The following ZNF740 variants were observed in gnomAD, a reference collection of about 807,000 sequenced individuals.
ZNF740 encodes the protein zinc finger protein 740.
In ZNF740, 14 loss-of-function variants were observed where a neutral mutation model predicts 24.8. That is an observed-to-expected ratio of 0.56 (90% CI 0.37 to 0.88). The LOEUF (loss-of-function observed/expected upper bound fraction) is 0.88. Among genes scored for constraint, ZNF740 ranks in the 40% least tolerant of loss-of-function variants. The pLI is 0.00. For synonymous variants in ZNF740, 69 were observed against 84.0 expected (o/e 0.82, Z 0.98); for missense variants, 201 against 247.9 (o/e 0.81, Z 1.27).
At chr12:53,182,028 G>A (rs1351536984) in intron 2 of ZNF740, 36 bp downstream of exon 2, 2 of 1,601,930 alleles carry the variant, frequency 1.2e-6, no homozygotes, top group East Asian at 2.2e-5. Context: ...AAGATAACTG[G>A]GAAGCCTGTT....
At position 53,193,158 on chromosome 12, in the gene ZNF740, C is replaced by T; in HGVS notation, c.*5568C>T. 6.2e-7 allele frequency: 1 copy of T among 1,611,926 alleles called. No homozygotes were observed. The highest frequency in any genetic ancestry group is 1.1e-5 in the South Asian group (1 of 90,942). ...CAGGTACCTCCGCAGAGGATGCCCT[C>T]ATGTCGCTCACAGCTGGCATCGTCA... On this transcript the variant is annotated 3_prime_UTR_variant, in exon 7 of 7. Transcript: ENST00000416904.
At chr12:53,184,150 T>TGTGTGTGTGTGTGTGTGTGTGCGCGC (rs59250662) in intron 2 of ZNF740, among the ~76,000 whole-genome samples, 3 of 104,346 alleles carry the variant, frequency 2.9e-5, no homozygotes, top group Non-Finnish European at 4.1e-5. Context: ...TGTGTGTGTG[T>TGTGTGTGTGTGTGTGTGTGTGCGCGC]GCGCGCGCGC....
chr12:53,183,536 C>T (rs550815004), intron 2 of ZNF740, among the ~76,000 whole-genome samples: 3 of 151,920 alleles, frequency 2.0e-5, no homozygotes, highest in South Asian at 4.2e-4. Flanking sequence ...GCCGGCTAAC[C>T]GAAGTCAGTT....
In ZNF740 at chr12:53,191,497, C is replaced by T; in HGVS notation, c.*3907C>T. 1 of 1,362,782 alleles carries T rather than the reference C, an allele frequency of 7.3e-7. No individual in the cohort carries two copies. Among genetic ancestry groups the T allele is most frequent in the Non-Finnish European group, 1.1e-6 (1 of 950,920 alleles). The allele number at this position is 1,362,782 out of a possible 1,614,324, so 84.4% of individuals were successfully genotyped here. ...TCTTACAGACCCACCCTTCCTCTCA[C>T]CCTCCAGTTCCCACTGTCCTCCAAG... On this transcript the variant is annotated 3_prime_UTR_variant, in exon 7 of 7. Coordinates refer to ENST00000416904, the MANE Select transcript of ZNF740 (RefSeq NM_001004304.4).
At position 53,185,012 on chromosome 12, in the gene ZNF740, G is replaced by T. The variant is rs1200820204; in HGVS notation, c.131G>T (p.Ser44Ile). 2 of 1,614,038 alleles carry T rather than the reference G, an allele frequency of 1.2e-6. No homozygotes were observed. The highest frequency in any genetic ancestry group is 1.7e-5 in the Admixed American group (1 of 60,026). ...GCCGAGAATGGCGAGCGGGCAGGTA[G>T]CCCTGATGTGCTGAGGTGCTCGAGT... ...KQAENGERAG[S>I]PDVLRCSSQG... The change falls in exon 3 of 7, where the codon AGC becomes ATC. Residue 44 changes from serine (S) to isoleucine (I), a missense_variant. Around this residue, in one of 3 missense-constraint regions of ZNF740, gnomAD observed 117 missense variants for 122.3 expected, o/e 0.96. Coordinates refer to ENST00000416904, the MANE Select transcript of ZNF740 (RefSeq NM_001004304.4).
In ZNF740 at chr12:53,181,234, G is replaced by A. The variant is rs796316713; in HGVS notation, c.-308+397G>A. 5 of 985,462 alleles carry A rather than the reference G, an allele frequency of 5.1e-6. No individual in the cohort carries two copies. The African/African-American group carries it at 7.0e-5, about 14-fold the overall frequency. 61.0% of individuals were successfully genotyped at this position (985,462 alleles called of 1,614,324 possible). On this transcript the variant is annotated intron_variant, in intron 1 of 6. Coordinates refer to ENST00000416904, the MANE Select transcript of ZNF740 (RefSeq NM_001004304.4). The stretch of plus-strand genomic sequence containing the variant: ...GCAGCAAGTTTCCCTACCTTCGGGC[G>A]GACGGGGAGAACGCACACGTGTGGG...
chr12:53,185,450 T>C lies in ZNF740; in HGVS notation c.223T>C (p.Ser75Pro), dbSNP rs1052565482. 3.1e-6 allele frequency: 5 copies of C among 1,613,832 alleles called. No homozygotes were observed. The African/African-American group carries it at 4.0e-5, about 13-fold the overall frequency. The change falls in exon 4 of 7, where the codon TCT becomes CCT. Residue 75 changes from serine (S) to proline (P), a missense_variant. Around this residue, in one of 3 missense-constraint regions of ZNF740, gnomAD observed 117 missense variants for 122.3 expected, o/e 0.96. Coordinates refer to ENST00000416904, the MANE Select transcript of ZNF740 (RefSeq NM_001004304.4). Reference sequence around the variant, plus strand: ...AGATGATGACAGCTTGTCTGAGGCCTCTCATTCAAAAAAGACTGTTAAAAA... The same window carrying C: ...AGATGATGACAGCTTGTCTGAGGCCCCTCATTCAAAAAAGACTGTTAAAAA... ...RKDDDSLSEA[S>P]HSKKTVKKVV...
In ZNF740 at chr12:53,192,812, C is replaced by G; in HGVS notation, c.*5222C>G. The G allele has an allele frequency of 6.2e-7, 1 of 1,614,218 alleles. No individual in the cohort carries two copies. The highest frequency in any genetic ancestry group is 8.5e-7 in the Non-Finnish European group (1 of 1,180,030). ...CCATGCCCACTGCAGAGCCCTCCCT[C>G]GGGACTGATGCAACTGTCCATGTCC... On this transcript the variant is annotated 3_prime_UTR_variant, in exon 7 of 7. Transcript: ENST00000416904.
chr12:53,184,919 C>T lies in ZNF740; in HGVS notation c.38C>T (p.Ala13Val). Residue 13 changes from alanine (A) to valine (V), a missense_variant, in exon 3 of 7, where the codon GCA becomes GTA. Around this residue, in one of 3 missense-constraint regions of ZNF740, gnomAD observed 117 missense variants for 122.3 expected, o/e 0.96. Transcript: ENST00000416904. The stretch of plus-strand genomic sequence containing the variant: ...AGTCTCCTGGCTTGTGAAGGCCTAG[C>T]AGGTGTGAGTTTGGTTCCCACTGCA... ...QASLLACEGL[A>V]GVSLVPTAAS... 1 of 1,613,798 alleles carries T rather than the reference C, an allele frequency of 6.2e-7. No individual in the cohort carries two copies. The highest frequency in any genetic ancestry group is 8.5e-7 in the Non-Finnish European group (1 of 1,179,802).
intron 6 of ZNF740, 58 bp downstream of exon 6, chr12:53,186,567 G>A (rs1276876936): frequency 1.4e-6 from 2 of 1,398,346 alleles, no homozygotes; most frequent in East Asian, 5.0e-5. Context: ...CAAGAATCAG[G>A]GCCACCCTCC....
At position 53,193,544 on chromosome 12, in the gene ZNF740, G is replaced by T. The variant is rs1942044817; in HGVS notation, c.*5954G>T. 2.7e-6 allele frequency: 2 copies of T among 751,008 alleles called. No homozygotes were observed. Among genetic ancestry groups the T allele is most frequent in the Admixed American group, 3.0e-5 (1 of 33,598 alleles). 46.5% of individuals were successfully genotyped at this position (751,008 alleles called of 1,614,324 possible). On this transcript the variant is annotated 3_prime_UTR_variant, in exon 7 of 7. Transcript: ENST00000416904. ...AGAGTGGAGGGAGCCCCAGTCAGGGGGAGGGCCTGGACATACATGGGAAGC... is the reference window on the plus strand; with the variant it reads ...AGAGTGGAGGGAGCCCCAGTCAGGGTGAGGGCCTGGACATACATGGGAAGC...
rs1941894726 is a variant in ZNF740 at position 53,189,819 on chromosome 12, A to G, written c.*2229A>G. Reference sequence around the variant, plus strand: ...CCAGTACCCTGTAAACCATTTTAAAATATTTAGAAAACTATCCTCCCAAAA... The same window carrying G: ...CCAGTACCCTGTAAACCATTTTAAAGTATTTAGAAAACTATCCTCCCAAAA... On this transcript the variant is annotated 3_prime_UTR_variant, in exon 7 of 7. Transcript: ENST00000416904. 6.6e-6 allele frequency: 1 copy of G among 152,176 alleles called. No homozygotes were observed. The highest frequency in any genetic ancestry group is 2.4e-5 in the African/African-American group (1 of 41,426). 9.4% of individuals were successfully genotyped at this position (152,176 alleles called of 1,614,324 possible).
At position 53,194,655 on chromosome 12, in the gene ZNF740, CAT is replaced by C; in HGVS notation, c.*7067_*7068del. The C allele has an allele frequency of 3.5e-6, 1 of 286,294 alleles. No individual in the cohort carries two copies. The highest frequency in any genetic ancestry group is 6.7e-6 in the Non-Finnish European group (1 of 148,360). 17.7% of individuals were successfully genotyped at this position (286,294 alleles called of 1,614,324 possible). On this transcript the variant is annotated 3_prime_UTR_variant, in exon 7 of 7. Coordinates refer to ENST00000416904, the MANE Select transcript of ZNF740 (RefSeq NM_001004304.4). ...GTTTGTGAAGCCCCACATCAGGACA[CAT>C]AACCTGGGTGCATGCCAGGTCTAAA...
In ZNF740 at chr12:53,191,107, C is replaced by A; in HGVS notation, c.*3517C>A. 4.7e-6 allele frequency: 1 copy of A among 210,584 alleles called. No individual in the cohort carries two copies. Among genetic ancestry groups the A allele is most frequent in the Non-Finnish European group, 9.7e-6 (1 of 102,648 alleles). The allele number at this position is 210,584 out of a possible 1,614,324, so 13.0% of individuals were successfully genotyped here. ...GATGCAGTGTCTCTGACCTGGGACC[C>A]CCCTGCATCCGCAGCACTTGAGAAT... On this transcript the variant is annotated 3_prime_UTR_variant, in exon 7 of 7. Coordinates refer to ENST00000416904, the MANE Select transcript of ZNF740 (RefSeq NM_001004304.4).
Position 53,187,605 on chromosome 12 carries a change from G to A in ZNF740, c.*15G>A, listed in dbSNP as rs569658887. On this transcript the variant is annotated 3_prime_UTR_variant, in exon 7 of 7. Transcript: ENST00000416904. ...TTTCTCTATAGGCGCAAGGGGCCCC[G>A]GGTGGTGGGAGTGATCAGAAGAACC... 123 of 1,610,390 alleles carry A rather than the reference G, an allele frequency of 7.6e-5. No homozygotes were observed. The South Asian group carries it at 7.9e-4, about 10-fold the overall frequency.
In ZNF740 at chr12:53,193,825, A is replaced by G. The variant is rs764176078; in HGVS notation, c.*6235A>G. 3.1e-6 allele frequency: 5 copies of G among 1,614,084 alleles called. No individual in the cohort carries two copies. The highest frequency in any genetic ancestry group is 2.5e-6 in the Non-Finnish European group (3 of 1,179,982). On this transcript the variant is annotated 3_prime_UTR_variant, in exon 7 of 7. Transcript: ENST00000416904. Reference sequence around the variant, plus strand: ...CAACTCCACAATCAGCTCCTCTGAGAAGCCAAGGGCCCGGAGCCTCAGGAG... The same window carrying G: ...CAACTCCACAATCAGCTCCTCTGAGGAGCCAAGGGCCCGGAGCCTCAGGAG...
intron 2 of ZNF740, among the ~76,000 whole-genome samples, chr12:53,184,150 T>TGTGTGTGTGTGTGTGTGCGCGCGC (rs59250662): frequency 6.0e-4 from 63 of 104,400 alleles, no homozygotes; most frequent in African/African-American, 2.1e-3. Context: ...TGTGTGTGTG[T>TGTGTGTGTGTGTGTGTGCGCGCGC]GCGCGCGCGC....
At chr12:53,183,586 A>C (rs1389745138) in intron 2 of ZNF740, among the ~76,000 whole-genome samples, 1 of 152,188 alleles carries the variant, frequency 6.6e-6, no homozygotes, top group Non-Finnish European at 1.5e-5. Flanking sequence ...ACTTAAACAT[A>C]CCTTACTTAA....
chr12:53,193,597 C>T lies in ZNF740; in HGVS notation c.*6007C>T, dbSNP rs922163267. ...CAAGGGATGAAACTGAGTGGGGAGT[C>T]GGGATGTCGAGGAGACTCCTGTGGG... On this transcript the variant is annotated 3_prime_UTR_variant, in exon 7 of 7. Coordinates refer to ENST00000416904, the MANE Select transcript of ZNF740 (RefSeq NM_001004304.4). 7 of 975,592 alleles carry T rather than the reference C, an allele frequency of 7.2e-6. No individual in the cohort carries two copies. The highest frequency in any genetic ancestry group is 5.7e-5 in the Admixed American group (2 of 34,816). The allele number at this position is 975,592 out of a possible 1,614,324, so 60.4% of individuals were successfully genotyped here.
Sources: gnomAD v4.1 joint callset for allele counts (sites outside exome capture counted in the v4.1 genomes callset) on GRCh38, gnomAD v4.1.1 for gene constraint, gnomAD v4.1.1 regional missense constraint, MANE v1.5 for transcripts, NCBI Gene and HGNC (gene_info 2026-07-23, HGNC 2026-07-21) for gene names.